CIBAR1: variants seen among roughly 807,000 people sequenced by gnomAD.
CIBAR1 encodes the protein CBY1-interacting BAR domain-containing protein 1.
Under a neutral mutation model 44.0 loss-of-function variants are expected in CIBAR1, and 25 were observed. The ratio of observed to expected loss-of-function variants is 0.57; its 90% CI spans 0.41 to 0.79. The LOEUF (loss-of-function observed/expected upper bound fraction) is 0.79, where lower values mean the gene tolerates loss of function less well. CIBAR1 is among the 30% of genes least tolerant of loss of function. The pLI, the probability that CIBAR1 is intolerant of heterozygous loss-of-function variation, is 0.00. For synonymous variants in CIBAR1, 115 were observed against 119.0 expected (o/e 0.97, Z 0.22); for missense variants, 278 against 344.8 (o/e 0.81, Z 1.53).
intron 4 of CIBAR1, among the ~76,000 whole-genome samples, chr8:93,705,716 C>T (rs1374584598): frequency 1.3e-5 from 2 of 152,120 alleles, no homozygotes; most frequent in Non-Finnish European, 2.9e-5. Flanking sequence ...CTTTGGGAGG[C>T]CGAGGCAGGC....
At chr8:93,721,871 GA>G (rs2130368195) in intron 7 of CIBAR1, among the ~76,000 whole-genome samples, 1 of 152,162 alleles carries the variant, frequency 6.6e-6, no homozygotes, top group Admixed American at 6.5e-5. Flanking sequence ...ATAGTCTGGA[GA>G]ATCAGAGTGA....
At position 93,730,555 on chromosome 8, in the gene CIBAR1, G is replaced by A. The variant is rs1464895157; in HGVS notation, c.*2258G>A. ...TACTGAAGCTGAGTGATGTGTACAT[G>A]AAAATTTACTATTCTTTTTTTATAT... On this transcript the variant is annotated 3_prime_UTR_variant, in exon 9 of 9. Coordinates refer to ENST00000518322, the MANE Select transcript of CIBAR1 (RefSeq NM_145269.5). 1 of 152,152 alleles carries A rather than the reference G, an allele frequency of 6.6e-6. No individual in the cohort carries two copies. Among genetic ancestry groups the A allele is most frequent in the Non-Finnish European group, 1.5e-5 (1 of 68,026 alleles). 9.4% of individuals were successfully genotyped at this position (152,152 alleles called of 1,614,324 possible).
In CIBAR1 at chr8:93,729,299, G is replaced by T. The variant is rs1443569577; in HGVS notation, c.*1002G>T. On this transcript the variant is annotated 3_prime_UTR_variant, in exon 9 of 9. Transcript: ENST00000518322. ...TTCTTAACAAAGCACTCCTTCCTGA[G>T]AATAGTCCTAAGTGACAAAGTTGTT... is the stretch of plus-strand genomic sequence containing the variant. The T allele has an allele frequency of 6.6e-6, 1 of 152,032 alleles. No individual in the cohort carries two copies. The highest frequency in any genetic ancestry group is 2.4e-5 in the African/African-American group (1 of 41,402). The allele number at this position is 152,032 out of a possible 1,614,324, so 9.4% of individuals were successfully genotyped here.
intron 6 of CIBAR1, among the ~76,000 whole-genome samples, chr8:93,713,574 A>G (rs1452588229): frequency 6.6e-6 from 1 of 152,226 alleles, no homozygotes; most frequent in Non-Finnish European, 1.5e-5. Context: ...ATCCAAGGTC[A>G]TGAATATTTA....
chr8:93,705,149 A>G, intron 4 of CIBAR1, 139 bp downstream of exon 4: 1 of 588,096 alleles, frequency 1.7e-6, no homozygotes, highest in East Asian at 2.9e-5. Context: ...GCATTTAGGA[A>G]TTCTCACTAT....
At position 93,718,678 on chromosome 8, in the gene CIBAR1, A is replaced by G. The variant is rs1051892824; in HGVS notation, c.547A>G (p.Ile183Val). 5.3e-6 allele frequency: 8 copies of G among 1,519,104 alleles called. No homozygotes were observed. Among genetic ancestry groups the G allele is most frequent in the African/African-American group, 2.8e-5 (2 of 72,350 alleles). 94.1% of individuals were successfully genotyped at this position (1,519,104 alleles called of 1,614,324 possible). A position where few individuals can be genotyped will look rare whatever the true frequency, so the allele number is the denominator to read the frequency against. ...ERQKMKDIKTIFSEFITIEML... is the reference protein window; with the variant it reads ...ERQKMKDIKTVFSEFITIEML... ...TCAATTCTTTGGTTTTTTTTAGACT[A>G]TATTTTCTGAATTTATCACAATCGA... Residue 183 changes from isoleucine (I) to valine (V), a missense_variant, in exon 7 of 9, where the codon ATA (isoleucine) becomes GTA (valine). Physicochemically the swap from Ile to Val is conservative, Grantham distance 29. This residue lies in a region of CIBAR1 where 2 missense variants were observed against 17.3 expected (regional missense o/e 0.12). Transcript: ENST00000518322.
Position 93,726,385 on chromosome 8 carries a change from T to C in CIBAR1, c.658-9T>C, listed in dbSNP as rs1811502294. 5 of 1,609,312 alleles carry C rather than the reference T, an allele frequency of 3.1e-6. No homozygotes were observed. Among genetic ancestry groups the C allele is most frequent in the Non-Finnish European group, 4.2e-6 (5 of 1,176,778 alleles). On this transcript the variant is annotated splice_polypyrimidine_tract_variant and intron_variant, in intron 7 of 8. Coordinates refer to ENST00000518322, the MANE Select transcript of CIBAR1 (RefSeq NM_145269.5). ...TCTACTTTATAATGCTATTTTATCA[T>C]TACAATAGGTTTTCCGAAATTCTCT...
chr8:93,730,175 C>T lies in CIBAR1; in HGVS notation c.*1878C>T, dbSNP rs1586305521. On this transcript the variant is annotated 3_prime_UTR_variant, in exon 9 of 9. Coordinates refer to ENST00000518322, the MANE Select transcript of CIBAR1 (RefSeq NM_145269.5). ...AGAATTAAATGATAGTTAATTCATA[C>T]ATAATTATACATCATATAGTATCTA... 1 of 152,178 alleles carries T rather than the reference C, an allele frequency of 6.6e-6. No homozygotes were observed. Among genetic ancestry groups the T allele is most frequent in the Non-Finnish European group, 1.5e-5 (1 of 68,036 alleles). The allele number at this position is 152,178 out of a possible 1,614,324, so 9.4% of individuals were successfully genotyped here.
intron 6 of CIBAR1, among the ~76,000 whole-genome samples, chr8:93,711,031 C>T (rs1457471800): frequency 1.3e-5 from 2 of 152,222 alleles, no homozygotes; most frequent in African/African-American, 2.4e-5. Flanking sequence ...TAGCCAACCA[C>T]GTAAATTTGC....
At chr8:93,713,223 G>A (rs1220060898) in intron 6 of CIBAR1, among the ~76,000 whole-genome samples, 4 of 150,880 alleles carry the variant, frequency 2.7e-5, no homozygotes, top group Admixed American at 1.3e-4. Flanking sequence ...AGTAGAGATG[G>A]GGTTTTACCA....
intron 7 of CIBAR1, chr8:93,724,536 G>A: frequency 6.6e-6 from 7 of 1,065,436 alleles, no homozygotes; most frequent in Non-Finnish European, 8.9e-6. Flanking sequence ...TGTTGCCCAG[G>A]CTGGTCTTGA....
intron 4 of CIBAR1, among the ~76,000 whole-genome samples, chr8:93,707,002 C>A (rs1000621024): frequency 2.6e-5 from 4 of 152,180 alleles, no homozygotes; most frequent in African/African-American, 9.6e-5. Context: ...TCTGCCTGCT[C>A]ACCCCCCAAG....
chr8:93,718,493 G>A (rs994355711), intron 6 of CIBAR1, among the ~76,000 whole-genome samples, 182 bp from the exon 7 acceptor site: 21 of 152,096 alleles, frequency 1.4e-4, no homozygotes, highest in Admixed American at 7.9e-4. Context: ...ATTATTTGAA[G>A]GTTTGGCAGC....
At chr8:93,724,382 G>A in intron 7 of CIBAR1, 5 of 345,908 alleles carry the variant, frequency 1.4e-5, no homozygotes, top group South Asian at 8.7e-5. Flanking sequence ...CTGGCGTGCA[G>A]TGGCACAATC....
At chr8:93,711,732 G>A (rs1810830423) in intron 6 of CIBAR1, among the ~76,000 whole-genome samples, 1 of 152,162 alleles carries the variant, frequency 6.6e-6, no homozygotes, top group Non-Finnish European at 1.5e-5. Flanking sequence ...CTGATTCCTT[G>A]CTCCATCATT....
intron 5 of CIBAR1, among the ~76,000 whole-genome samples, chr8:93,708,283 A>C (rs1174741531): frequency 2.6e-5 from 4 of 152,142 alleles, no homozygotes; most frequent in Non-Finnish European, 4.4e-5. Context: ...TGTCTTTTTA[A>C]ATTTCTGTGT....
At position 93,703,648 on chromosome 8, in the gene CIBAR1, A is replaced by G; in HGVS notation, c.290A>G (p.Glu97Gly). 2 of 1,551,730 alleles carry G rather than the reference A, an allele frequency of 1.3e-6. No individual in the cohort carries two copies. Among genetic ancestry groups the G allele is most frequent in the Non-Finnish European group, 1.7e-6 (2 of 1,147,304 alleles). Residue 97 changes from glutamate (E) to glycine (G), a missense_variant, in exon 3 of 9, where the codon GAA (glutamate) becomes GGA (glycine). Glu to Gly is a moderately conservative substitution (Grantham distance 98). Around this residue, in one of 3 missense-constraint regions of CIBAR1, gnomAD observed 183 missense variants for 218.6 expected, o/e 0.84. Transcript: ENST00000518322. ...GAAAGACTTGAAGCCAAAGTAGTTG[A>G]ACCCTTGAAAACTTATGGGACCATT... ...EVERLEAKVV[E>G]PLKTYGTIVK...
In CIBAR1 at chr8:93,731,315, AT is replaced by A. The variant is rs976807680; in HGVS notation, c.*3024del. 6.6e-5 allele frequency: 10 copies of A among 152,180 alleles called. No individual in the cohort carries two copies. Among genetic ancestry groups the A allele is most frequent in the Non-Finnish European group, 1.5e-5 (1 of 68,030 alleles). 9.4% of individuals were successfully genotyped at this position (152,180 alleles called of 1,614,324 possible). ...CTTTATTCCTTTGTATCTGAGAAGC[AT>A]TTTTTAACTTTCCATATATTATTCA... On this transcript the variant is annotated 3_prime_UTR_variant, in exon 9 of 9. Transcript: ENST00000518322.
Position 93,728,979 on chromosome 8 carries a change from C to G in CIBAR1, c.*682C>G, listed in dbSNP as rs1811677978. Reference sequence around the variant, plus strand: ...AGGCTAATTTGGTGGAATGTTGCCTCATCATAGAACACCATAGATCATTAA... The same window carrying G: ...AGGCTAATTTGGTGGAATGTTGCCTGATCATAGAACACCATAGATCATTAA... On this transcript the variant is annotated 3_prime_UTR_variant, in exon 9 of 9. Transcript: ENST00000518322. The G allele has an allele frequency of 6.6e-6, 1 of 152,082 alleles. No homozygotes were observed. Among genetic ancestry groups the G allele is most frequent in the Non-Finnish European group, 1.5e-5 (1 of 67,974 alleles). 9.4% of individuals were successfully genotyped at this position (152,082 alleles called of 1,614,324 possible).
Sources: gnomAD v4.1 joint callset for allele counts (sites outside exome capture counted in the v4.1 genomes callset) on GRCh38, gnomAD v4.1.1 for gene constraint, gnomAD v4.1.1 regional missense constraint, MANE v1.5 for transcripts, NCBI Gene and HGNC (gene_info 2026-07-23, HGNC 2026-07-21) for gene names.